Variants in C8orf34 observed in about 807,000 individuals in gnomAD.
C8orf34 encodes the protein uncharacterized protein C8orf34.
C8orf34 carries 65 observed loss-of-function variants against 68.3 expected under a neutral mutation model. The ratio of observed to expected loss-of-function variants is 0.95; its 90% CI spans 0.78 to 1.17. The LOEUF is 1.17. Among genes scored for constraint, C8orf34 ranks in the 50% most tolerant of loss-of-function variants. C8orf34 has a pLI of 0.00. For synonymous variants in C8orf34, 244 were observed against 241.2 expected, an observed-to-expected ratio of 1.01 and a Z score of -0.11; for missense variants, 664 against 655.4, an observed-to-expected ratio of 1.01 and a Z score of -0.14.
intron 1 of C8orf34, among the ~76,000 whole-genome samples, chr8:68,395,136 T>G (rs1476856739): frequency 6.6e-6 from 1 of 152,058 alleles, no homozygotes; most frequent in East Asian, 1.9e-4. Flanking sequence ...AAAGTATTTT[T>G]TTTAAACAAC....
intron 1 of C8orf34, among the ~76,000 whole-genome samples, chr8:68,385,426 A>G (rs1808220661): frequency 6.6e-6 from 1 of 152,214 alleles, no homozygotes; most frequent in South Asian, 2.1e-4. Context: ...AACATAGAAA[A>G]CTAGGTATAT....
rs140193644 is a variant in C8orf34 at position 68,729,217 on chromosome 8, G to A, written c.1404+7780G>A. On this transcript the variant is annotated intron_variant, in intron 10 of 13. Transcript: ENST00000518698. ...TTGTTAATTTTTAATTTTTTTATTT[G>A]GCCAATGCAGTACATAAGTCAGCAG... Among the ~76,000 whole-genome samples the A allele has an allele frequency of 1.0e-2, 1,518 of 152,032 alleles. 24 individuals are homozygous for A. The highest frequency in any genetic ancestry group is 0.033 in the African/African-American group (1,373 of 41,470).
chr8:68,439,277 A>G (rs1054126439), intron 1 of C8orf34: 1 of 365,418 alleles, frequency 2.7e-6, no homozygotes, highest in Non-Finnish European at 4.9e-6. Flanking sequence ...GTTTTGCCAC[A>G]TATTAGCTGT....
chr8:68,710,252 A>C (rs758402831), intron 9 of C8orf34, among the ~76,000 whole-genome samples: 1 of 152,172 alleles, frequency 6.6e-6, no homozygotes, highest in Non-Finnish European at 1.5e-5. Flanking sequence ...TATTTGAAGG[A>C]AATGGATCAC....
chr8:68,743,681 T>TA (rs1822376767), intron 10 of C8orf34, among the ~76,000 whole-genome samples: 1 of 152,244 alleles, frequency 6.6e-6, no homozygotes, highest in Admixed American at 6.5e-5. Flanking sequence ...CCGACGGGCT[T>TA]AAAAAATGGC....
chr8:68,641,971 A>G (rs559958621), intron 8 of C8orf34, among the ~76,000 whole-genome samples: 1 of 152,358 alleles, frequency 6.6e-6, no homozygotes, highest in Middle Eastern at 3.4e-3. Flanking sequence ...GAAATGTGTA[A>G]ACTGATTTAA....
intron 5 of C8orf34, among the ~76,000 whole-genome samples, chr8:68,507,382 AGACT>A (rs1814072347): frequency 6.6e-6 from 1 of 152,178 alleles, no homozygotes. Flanking sequence ...TTAGATGATG[AGACT>A]GACATGAGAT....
intron 1 of C8orf34, among the ~76,000 whole-genome samples, chr8:68,409,748 T>G (rs1386415205): frequency 6.6e-6 from 1 of 152,298 alleles, no homozygotes; most frequent in African/African-American, 2.4e-5. Context: ...CACTCGCCAC[T>G]CACTCACTGA....
chr8:68,694,719 G>A (rs1295538499), intron 8 of C8orf34, among the ~76,000 whole-genome samples: 1 of 151,892 alleles, frequency 6.6e-6, no homozygotes. Context: ...ACATCTGGGG[G>A]CTTCTTAGTT....
intron 10 of C8orf34, among the ~76,000 whole-genome samples, chr8:68,753,705 G>A (rs1308131918): frequency 6.6e-6 from 1 of 152,180 alleles, no homozygotes; most frequent in East Asian, 1.9e-4. Context: ...AGAATTTAAT[G>A]TAGTTTACTG....
intron 1 of C8orf34, among the ~76,000 whole-genome samples, chr8:68,404,715 T>C (rs1809114168): frequency 6.6e-6 from 1 of 152,228 alleles, no homozygotes; most frequent in African/African-American, 2.4e-5. Flanking sequence ...AAGGCCTCTG[T>C]TCTTTTCCAT....
chr8:68,702,523 TAG>T (rs1821048858), intron 8 of C8orf34, among the ~76,000 whole-genome samples: 1 of 152,176 alleles, frequency 6.6e-6, no homozygotes, highest in Admixed American at 6.6e-5. Flanking sequence ...GTCTACTCTT[TAG>T]TTAGATACTG....
intron 8 of C8orf34, among the ~76,000 whole-genome samples, chr8:68,647,448 T>C (rs1819211962): frequency 1.3e-5 from 2 of 152,228 alleles, no homozygotes; most frequent in South Asian, 2.1e-4. Context: ...TCTGGGTATA[T>C]ATTTAAAGGA....
chr8:68,398,391 G>A (rs1204811342), intron 1 of C8orf34, among the ~76,000 whole-genome samples: 1 of 152,030 alleles, frequency 6.6e-6, no homozygotes, highest in Non-Finnish European at 1.5e-5. Flanking sequence ...ATGCTCATAG[G>A]TTGATTTACA....
In C8orf34 at chr8:68,794,507, T is replaced by TA. The variant is rs1585894787; in HGVS notation, c.1549+6971_1549+6972insA. ...AATATATATATATATATATATATAT[T>TA]TTTTTTTTTTTTTTTTAGACAGGCT... On this transcript the variant is annotated intron_variant, in intron 12 of 13. Transcript: ENST00000518698. Among the ~76,000 whole-genome samples, 153 of 69,186 alleles carry TA rather than the reference T, an allele frequency of 2.2e-3. 1 individual carries two copies. The highest frequency in any genetic ancestry group is 3.0e-3 in the African/African-American group (36 of 12,022). 45.4% of individuals were successfully genotyped at this position (69,186 alleles called of 152,430 possible). A position where few individuals can be genotyped will look rare whatever the true frequency, so the allele number is the denominator to read the frequency against.
intron 3 of C8orf34, among the ~76,000 whole-genome samples, chr8:68,464,882 A>G (rs1812036198): frequency 6.6e-6 from 1 of 152,080 alleles, no homozygotes; most frequent in Non-Finnish European, 1.5e-5. Flanking sequence ...TTCAGGACAT[A>G]GGCATGTGCA....
chr8:68,598,352 C>CT (rs545045780), intron 7 of C8orf34, among the ~76,000 whole-genome samples: 55 of 152,280 alleles, frequency 3.6e-4, no homozygotes, highest in African/African-American at 1.0e-3. Context: ...TTTGAGACTA[C>CT]TTTTGCTTAT....
At chr8:68,536,518 C>T in intron 7 of C8orf34, among the ~76,000 whole-genome samples, 1 of 151,792 alleles carries the variant, frequency 6.6e-6, no homozygotes, top group East Asian at 1.9e-4. Context: ...ACATTAGATG[C>T]ATTTTAATCT....
At chr8:68,642,578 A>G (rs992800497) in intron 8 of C8orf34, among the ~76,000 whole-genome samples, 2 of 152,202 alleles carry the variant, frequency 1.3e-5, no homozygotes, top group Non-Finnish European at 2.9e-5. Context: ...CCAGGGTATT[A>G]GCATCTTCAC....
Sources: gnomAD v4.1 joint callset for allele counts (sites outside exome capture counted in the v4.1 genomes callset) on GRCh38, gnomAD v4.1.1 for gene constraint, MANE v1.5 for transcripts, NCBI Gene and HGNC (gene_info 2026-07-23, HGNC 2026-07-21) for gene names.